PAPOLG: variants seen among roughly 807,000 people sequenced by gnomAD.
PAPOLG encodes the protein PAP-gamma.
PAPOLG carries 40 observed loss-of-function variants against 99.0 expected under a neutral mutation model. The ratio of observed to expected loss-of-function variants is 0.40; its 90% CI spans 0.31 to 0.53. The LOEUF (loss-of-function observed/expected upper bound fraction) is 0.53, where lower values mean the gene tolerates loss of function less well. PAPOLG is among the 20% of genes least tolerant of loss of function. PAPOLG has a pLI of 0.41. For synonymous variants in PAPOLG, 310 were observed against 299.3 expected (o/e 1.04, Z -0.37); for missense variants, 675 against 884.1 (o/e 0.76, Z 3.00).
intron 7 of PAPOLG, 112 bp downstream of exon 7, chr2:60,771,742 T>A: frequency 8.6e-7 from 1 of 1,165,324 alleles, no homozygotes; most frequent in Non-Finnish European, 1.2e-6. Context: ...GTTTAAAATG[T>A]AATTTTCCTT....
chr2:60,787,260 C>T (rs1418018144), intron 14 of PAPOLG, among the ~76,000 whole-genome samples, 194 bp downstream of exon 14: 2 of 152,124 alleles, frequency 1.3e-5, no homozygotes, highest in African/African-American at 4.8e-5. Flanking sequence ...CCCAGCAAAA[C>T]ACCATCACAA....
chr2:60,766,937 CT>C (rs1386446808), intron 3 of PAPOLG, among the ~76,000 whole-genome samples: 1 of 152,146 alleles, frequency 6.6e-6, no homozygotes, highest in African/African-American at 2.4e-5. Flanking sequence ...ACATTGGCAA[CT>C]TTTGAGTACA....
intron 8 of PAPOLG, among the ~76,000 whole-genome samples, chr2:60,777,469 T>A (rs1052354971): frequency 6.6e-6 from 1 of 152,250 alleles, no homozygotes; most frequent in Middle Eastern, 3.4e-3. Flanking sequence ...AAAAAATTTT[T>A]TTTTTCTGTC....
chr2:60,775,132 C>T lies in PAPOLG; in HGVS notation c.694+9C>T, dbSNP rs372579233. 3.8e-6 allele frequency: 6 copies of T among 1,599,904 alleles called. No individual in the cohort carries two copies. Among genetic ancestry groups the T allele is most frequent in the Non-Finnish European group, 4.2e-6 (5 of 1,176,566 alleles). On this transcript the variant is annotated intron_variant, in intron 8 of 21. Coordinates refer to ENST00000238714, the MANE Select transcript of PAPOLG (RefSeq NM_022894.4). Reference sequence around the variant, plus strand: ...CAAATTATGGGCAAAACGTAAGTATCCCTAGTCTTTTATGTTTGCATTATA... The same window carrying T: ...CAAATTATGGGCAAAACGTAAGTATTCCTAGTCTTTTATGTTTGCATTATA...
chr2:60,793,532 C>T (rs1187818064), intron 17 of PAPOLG, 95 bp from the exon 18 acceptor site: 4 of 1,418,872 alleles, frequency 2.8e-6, no homozygotes, highest in Non-Finnish European at 3.8e-6. Flanking sequence ...CCACTGCACT[C>T]CAACTTGGGC....
At position 60,782,012 on chromosome 2, in the gene PAPOLG, A is replaced by T. The variant is rs369233589; in HGVS notation, c.1027+7A>T. ...GTAGAAGAATTTAAACAAGGTAAACATGTGGCCCTGTTGCCCTTTACATAT... is the reference window on the plus strand; with the variant it reads ...GTAGAAGAATTTAAACAAGGTAAACTTGTGGCCCTGTTGCCCTTTACATAT... On this transcript the variant is annotated splice_region_variant and intron_variant, in intron 11 of 21. Transcript: ENST00000238714. 8 of 1,612,754 alleles carry T rather than the reference A, an allele frequency of 5.0e-6. No homozygotes were observed. Among genetic ancestry groups the T allele is most frequent in the East Asian group, 4.5e-5 (2 of 44,838 alleles).
At chr2:60,760,619 C>G (rs977108102) in intron 2 of PAPOLG, among the ~76,000 whole-genome samples, 1 of 152,134 alleles carries the variant, frequency 6.6e-6, no homozygotes, top group Admixed American at 6.5e-5. Context: ...AGCCATGTGT[C>G]TATCTGAGGG....
chr2:60,794,318 T>A, intron 19 of PAPOLG, 127 bp downstream of exon 19: 1 of 976,138 alleles, frequency 1.0e-6, no homozygotes, highest in Non-Finnish European at 1.5e-6. Context: ...ACCCAAATCT[T>A]AAAGAAACAA....
Position 60,756,339 on chromosome 2 carries a change from C to T in PAPOLG, c.-140C>T, listed in dbSNP as rs547216622. The T allele has an allele frequency of 8.8e-6, 9 of 1,028,142 alleles. No homozygotes were observed. In the African/African-American group the frequency reaches 1.3e-4, roughly 14 times the overall value. 63.7% of individuals were successfully genotyped at this position (1,028,142 alleles called of 1,614,324 possible). A position where few individuals can be genotyped will look rare whatever the true frequency, so the allele number is the denominator to read the frequency against. On this transcript the variant is annotated 5_prime_UTR_variant, in exon 1 of 22. Transcript: ENST00000238714. ...GGTGTTTTCACTACTCGGTTGGATG[C>T]CTCAGCCATAGTAAGTGGGAAAGTG...
rs577552443 is a variant in PAPOLG, at chr2:60,758,254, A to C, written c.17+1759A>C. On this transcript the variant is annotated intron_variant, in intron 1 of 21. Transcript: ENST00000238714. ...TAAAAAGAAATTACCACTTGAAATA[A>C]CTAATTGAAGTTTTGTTTGTTCTAC... Among the ~76,000 whole-genome samples the C allele has an allele frequency of 7.2e-5, 11 of 152,098 alleles. No individual in the cohort carries two copies. In the South Asian group the frequency reaches 2.3e-3, roughly 32 times the overall value.
At chr2:60,779,825 G>A (rs759822888) in intron 9 of PAPOLG, 50 bp downstream of exon 9, 14 of 1,480,328 alleles carry the variant, frequency 9.5e-6, no homozygotes, top group Admixed American at 1.8e-5. Flanking sequence ...CTACCTATGC[G>A]TAAGTTTGTT....
At chr2:60,795,177 AAGTATAT>A in intron 21 of PAPOLG, 157 bp downstream of exon 21, 1 of 670,976 alleles carries the variant, frequency 1.5e-6, no homozygotes, top group Non-Finnish European at 2.6e-6. Context: ...TGGAGATAGC[AAGTATAT>A]AGTTCTGAAT....
intron 3 of PAPOLG, among the ~76,000 whole-genome samples, chr2:60,764,994 AAAAT>A (rs1670630800): frequency 1.3e-5 from 2 of 152,198 alleles, no homozygotes; most frequent in Non-Finnish European, 2.9e-5. Context: ...GTAGTCAAAA[AAAAT>A]AAAGTTAGTT....
In PAPOLG at chr2:60,761,903, A is replaced by G. The variant is rs1045769088; in HGVS notation, c.246+96A>G. 7.9e-6 allele frequency: 7 copies of G among 890,880 alleles called. No individual in the cohort carries two copies. The South Asian group carries it at 8.9e-5, about 11-fold the overall frequency. 55.2% of individuals were successfully genotyped at this position (890,880 alleles called of 1,614,324 possible). A position where few individuals can be genotyped will look rare whatever the true frequency, so the allele number is the denominator to read the frequency against. On this transcript the variant is annotated intron_variant, in intron 3 of 21. Coordinates refer to ENST00000238714, the MANE Select transcript of PAPOLG (RefSeq NM_022894.4). ...AGGTGTTGAGAAGTATCTGAAATACATCAAAGCTTGGCTCTCTGGTATATG... is the reference window on the plus strand; with the variant it reads ...AGGTGTTGAGAAGTATCTGAAATACGTCAAAGCTTGGCTCTCTGGTATATG...
intron 6 of PAPOLG, 42 bp downstream of exon 6, chr2:60,770,553 T>G (rs750290044): frequency 7.7e-6 from 10 of 1,299,302 alleles, no homozygotes; most frequent in Non-Finnish European, 1.1e-5. Context: ...TTGAACTGTT[T>G]AAACTTGTAA....
intron 17 of PAPOLG, among the ~76,000 whole-genome samples, chr2:60,793,379 G>A (rs1346850972): frequency 1.3e-5 from 2 of 151,910 alleles, no homozygotes; most frequent in African/African-American, 2.4e-5. Context: ...GCAACATAGT[G>A]AGATCCTGTC....
intron 20 of PAPOLG, 45 bp downstream of exon 20, chr2:60,794,820 C>T: frequency 6.4e-7 from 1 of 1,552,024 alleles, no homozygotes; most frequent in Non-Finnish European, 8.9e-7. Flanking sequence ...TTGTAAAGCG[C>T]CATGTATCAG....
chr2:60,775,804 G>A (rs988454372), intron 8 of PAPOLG, among the ~76,000 whole-genome samples: 8 of 149,658 alleles, frequency 5.3e-5, no homozygotes, highest in Admixed American at 6.7e-5. Flanking sequence ...TTGCTCTGTC[G>A]CCAAGGCTGG....
intron 11 of PAPOLG, among the ~76,000 whole-genome samples, chr2:60,782,255 A>G (rs112469430): frequency 5.8e-4 from 88 of 152,176 alleles, no homozygotes; most frequent in African/African-American, 2.1e-3. Context: ...CATTATATAT[A>G]TTTATATTTT....
Sources: gnomAD v4.1 joint callset for allele counts (sites outside exome capture counted in the v4.1 genomes callset) on GRCh38, gnomAD v4.1.1 for gene constraint, MANE v1.5 for transcripts, NCBI Gene and HGNC (gene_info 2026-07-23, HGNC 2026-07-21) for gene names.